SLC12A3: variants seen among roughly 807,000 people sequenced by gnomAD.
SLC12A3 encodes Na-Cl cotransporter.
Under a neutral mutation model 121.0 loss-of-function variants are expected in SLC12A3, and 104 were observed. The observed-to-expected ratio is 0.86, with a 90% CI of 0.73 to 1.01. SLC12A3 has a LOEUF of 1.01. Ranked by LOEUF, SLC12A3 falls within the 50% of genes least tolerant of loss-of-function variation. The pLI is 0.00. For synonymous variants in SLC12A3, 536 were observed against 533.4 expected, an observed-to-expected ratio of 1.00 and a Z score of -0.07; for missense variants, 1,328 against 1,356.3, an observed-to-expected ratio of 0.98 and a Z score of 0.33.
intron 22 of SLC12A3, among the ~76,000 whole-genome samples, chr16:56,896,317 G>T (rs8056954): frequency 0.22 from 33,586 of 152,144 alleles, 3,945 homozygotes; most frequent in African/African-American, 0.31. Context: ...CTTGTCTCCC[G>T]GAGCAAGAGG....
rs200358117 is a variant in SLC12A3, at chr16:56,892,948, T to C, written c.2420-5T>C. 1 of 1,612,988 alleles carries C rather than the reference T, an allele frequency of 6.2e-7. No homozygotes were observed. The highest frequency in any genetic ancestry group is 8.5e-7 in the Non-Finnish European group (1 of 1,179,044). ...TCTGCTCTGACCCGCCCCCACCTCC[T>C]GCAGTGGACCCCAAGGCCCTGGTGA... On this transcript the variant is annotated splice_polypyrimidine_tract_variant and splice_region_variant and intron_variant, in intron 20 of 25. Transcript: ENST00000563236.
chr16:56,884,088 C>T lies in SLC12A3; in HGVS notation c.1709C>T (p.Ala570Val), dbSNP rs201130736. ...PSFQYYNKWA[A>V]LFGAIISVVI... is the part of the protein sequence containing the mutation. ...TTCCAATACTACAACAAGTGGGCGG[C>T]GCTGTTTGGGGCTATCATCTCCGTG... Residue 570 changes from alanine to valine, a missense_variant, in exon 14 of 26, where the codon GCG (alanine) becomes GTG (valine). Coordinates refer to ENST00000563236, the MANE Select transcript of SLC12A3 (RefSeq NM_001126108.2). 1.6e-4 allele frequency: 266 copies of T among 1,614,098 alleles called. No individual in the cohort carries two copies. The highest frequency in any genetic ancestry group is 8.2e-4 in the Middle Eastern group (5 of 6,084).
intron 25 of SLC12A3, among the ~76,000 whole-genome samples, chr16:56,908,668 G>A (rs2055642604): frequency 6.6e-6 from 1 of 152,188 alleles, no homozygotes; most frequent in Admixed American, 6.5e-5. Context: ...AATGCTTCCT[G>A]GGGCTTTAGG....
intron 15 of SLC12A3, 44 bp downstream of exon 15, chr16:56,885,408 G>A (rs1042244720): frequency 7.9e-7 from 1 of 1,267,076 alleles, no homozygotes; most frequent in Non-Finnish European, 1.1e-6. Context: ...CAGGGCCAGT[G>A]ATGGCTCCAC....
intron 8 of SLC12A3, among the ~76,000 whole-genome samples, chr16:56,875,482 G>A (rs1450943575): frequency 2.0e-5 from 3 of 152,074 alleles, no homozygotes; most frequent in African/African-American, 7.2e-5. Context: ...AGAGAGGTTC[G>A]GGGGCCTGCC....
chr16:56,887,928 G>T lies in SLC12A3; in HGVS notation c.2182G>T (p.Ala728Ser), dbSNP rs36049418. 3 of 1,609,820 alleles carry T rather than the reference G, an allele frequency of 1.9e-6. No individual in the cohort carries two copies. Among genetic ancestry groups the T allele is most frequent in the African/African-American group, 1.3e-5 (1 of 74,404 alleles). ...RRGVQILMQA[A>S]GLGRMKPNIL... Reference sequence around the variant, plus strand: ...TCTCACCCCTATCCCCTGGCAGGCCGCAGGTCTCGGGAGAATGAAGCCCAA... The same window carrying T: ...TCTCACCCCTATCCCCTGGCAGGCCTCAGGTCTCGGGAGAATGAAGCCCAA... The change falls in exon 18 of 26, where the codon GCA (alanine) becomes TCA (serine). Residue 728 changes from alanine (A) to serine (S), a missense_variant. Ala to Ser is a moderately conservative substitution (Grantham distance 99, BLOSUM62 1). Coordinates refer to ENST00000563236, the MANE Select transcript of SLC12A3 (RefSeq NM_001126108.2).
At chr16:56,883,951 G>T in intron 13 of SLC12A3, 98 bp from the exon 14 acceptor site, 1 of 1,364,486 alleles carries the variant, frequency 7.3e-7, no homozygotes, top group Non-Finnish European at 1.0e-6. Flanking sequence ...CCCGGCTCTG[G>T]GCACTGCTGG....
intron 8 of SLC12A3, among the ~76,000 whole-genome samples, chr16:56,873,374 C>CTTTTTTTTTTTTTT (rs59478629): frequency 1.3e-5 from 1 of 75,372 alleles, no homozygotes; most frequent in Non-Finnish European, 2.4e-5. Flanking sequence ...CTCTTTCTTT[C>CTTTTTTTTTTTTTT]TTTTTTTTTT....
intron 3 of SLC12A3, among the ~76,000 whole-genome samples, chr16:56,869,083 G>C (rs1360022711): frequency 6.6e-6 from 1 of 152,196 alleles, no homozygotes; most frequent in Non-Finnish European, 1.5e-5. Flanking sequence ...ACCTCTCTGA[G>C]CCTTGGATTC....
chr16:56,887,119 C>T (rs199717692), intron 17 of SLC12A3, 26 bp downstream of exon 17: 75 of 1,613,660 alleles, frequency 4.6e-5, no homozygotes, highest in South Asian at 8.8e-5. Context: ...GGCTCCCCTA[C>T]AGGACTTACG....
At chr16:56,908,045 A>G (rs952235439) in intron 25 of SLC12A3, among the ~76,000 whole-genome samples, 2 of 149,738 alleles carry the variant, frequency 1.3e-5, no homozygotes, top group Non-Finnish European at 2.9e-5. Flanking sequence ...GAAGCAGACC[A>G]TTGTCAGTCT....
chr16:56,902,426 A>C lies in SLC12A3; in HGVS notation c.2774A>C (p.Lys925Thr), dbSNP rs111544360. Residue 925 changes from lysine to threonine, a missense_variant, in exon 24 of 26, where the codon AAG becomes ACG. By Grantham distance (78) the Lys-to-Thr change is moderately conservative. Transcript: ENST00000563236. ...CCCTTCCGTCTGAATGATGGCTTCA[A>C]GGATGAGGCCACTGTCAACGAGATG... Reference protein sequence around the residue: ...IAPFRLNDGFKDEATVNEMRR... With the variant: ...IAPFRLNDGFTDEATVNEMRR... 2.6e-6 allele frequency: 4 copies of C among 1,567,374 alleles called. No homozygotes were observed. Among genetic ancestry groups the C allele is most frequent in the Non-Finnish European group, 1.7e-6 (2 of 1,149,458 alleles).
chr16:56,890,162 A>T (rs1422902867), intron 18 of SLC12A3, 112 bp from the exon 19 acceptor site: 7 of 804,408 alleles, frequency 8.7e-6, no homozygotes, highest in Non-Finnish European at 1.5e-5. Context: ...AGAGAACAGA[A>T]AGGGCGTGGT....
Position 56,915,814 on chromosome 16 carries a change from GA to G in SLC12A3, c.*2412del, listed in dbSNP as rs886052177. The G allele has an allele frequency of 6.6e-6, 1 of 152,176 alleles. No homozygotes were observed. 9.4% of individuals were successfully genotyped at this position (152,176 alleles called of 1,614,324 possible). ...CTTTAACAGCGAGGCCATAAACAATGAAATGAATAAAAACGGTGGTCATTCA... is the reference window on the plus strand; with the variant it reads ...CTTTAACAGCGAGGCCATAAACAATGAATGAATAAAAACGGTGGTCATTCA... On this transcript the variant is annotated 3_prime_UTR_variant, in exon 26 of 26. Transcript: ENST00000563236.
rs1463589512 is a variant in SLC12A3 at position 56,914,862 on chromosome 16, GC to G, written c.*1459del. 2 of 152,112 alleles carry G rather than the reference GC, an allele frequency of 1.3e-5. No homozygotes were observed. The highest frequency in any genetic ancestry group is 4.8e-5 in the African/African-American group (2 of 41,352). The allele number at this position is 152,112 out of a possible 1,614,324, so 9.4% of individuals were successfully genotyped here. A position where few individuals can be genotyped will look rare whatever the true frequency, so the allele number is the denominator to read the frequency against. Reference sequence around the variant, plus strand: ...ATAGGCAGGAGCAGGTCCAAGCCAAGCCTAGCCCAAGACCAGGTGAAAGGAG... The same window carrying G: ...ATAGGCAGGAGCAGGTCCAAGCCAAGCTAGCCCAAGACCAGGTGAAAGGAG... On this transcript the variant is annotated 3_prime_UTR_variant, in exon 26 of 26. Coordinates refer to ENST00000563236, the MANE Select transcript of SLC12A3 (RefSeq NM_001126108.2).
Position 56,887,944 on chromosome 16 carries a change from T to C in SLC12A3, c.2198T>C (p.Met733Thr). 1 of 1,612,848 alleles carries C rather than the reference T, an allele frequency of 6.2e-7. No homozygotes were observed. Among genetic ancestry groups the C allele is most frequent in the South Asian group, 1.1e-5 (1 of 91,066 alleles). Residue 733 changes from methionine (M) to threonine (T), a missense_variant, in exon 18 of 26, where the codon ATG (methionine) becomes ACG (threonine). Transcript: ENST00000563236. ...ILMQAAGLGR[M>T]KPNILVVGFK... The stretch of plus-strand genomic sequence containing the variant: ...TGGCAGGCCGCAGGTCTCGGGAGAA[T>C]GAAGCCCAACATTCTGGTGGTTGGG...
chr16:56,883,471 G>A (rs1161899362), intron 13 of SLC12A3, among the ~76,000 whole-genome samples: 2 of 151,914 alleles, frequency 1.3e-5, no homozygotes, highest in Admixed American at 1.3e-4. Flanking sequence ...TAGTAGAGAC[G>A]GGGTTTCAGC....
rs2055397125 is a variant in SLC12A3, at chr16:56,892,173, A to G, written c.2419+40A>G. On this transcript the variant is annotated intron_variant, in intron 20 of 25. Transcript: ENST00000563236. ...GTCTCTGGCGCTTGTCAGTGTTCCC[A>G]CTCAGAGCTCAGGGCACTCTAGCCC... 2 of 1,606,778 alleles carry G rather than the reference A, an allele frequency of 1.2e-6. No individual in the cohort carries two copies. The highest frequency in any genetic ancestry group is 1.7e-5 in the Admixed American group (1 of 59,968).
chr16:56,873,250 G>T (rs1398894168), intron 8 of SLC12A3, among the ~76,000 whole-genome samples: 1 of 152,148 alleles, frequency 6.6e-6, no homozygotes, highest in East Asian at 1.9e-4. Flanking sequence ...CAGCCCTGAG[G>T]CTCTACTGCT....
Sources: gnomAD v4.1 joint callset for allele counts (sites outside exome capture counted in the v4.1 genomes callset) on GRCh38, gnomAD v4.1.1 for gene constraint, MANE v1.5 for transcripts, NCBI Gene and HGNC (gene_info 2026-07-23, HGNC 2026-07-21) for gene names.